Variants in PTK2 observed in about 807,000 individuals in gnomAD.
PTK2 encodes the protein focal adhesion kinase 1.
A neutral mutation model predicts 150.1 loss-of-function variants in PTK2; 45 were observed. That is an observed-to-expected ratio of 0.30 (90% confidence interval 0.24 to 0.38). PTK2 has a LOEUF of 0.38. PTK2 is among the 10% of genes least tolerant of loss of function. PTK2 has a pLI of 1.00. For missense variants in PTK2, 919 were observed against 1,307.3 expected, an observed-to-expected ratio of 0.70 and a Z score of 4.58; for synonymous variants, 432 against 449.2, an observed-to-expected ratio of 0.96 and a Z score of 0.48.
chr8:140,876,850 C>T (rs1292701109), intron 4 of PTK2, among the ~76,000 whole-genome samples: 1 of 151,992 alleles, frequency 6.6e-6, no homozygotes, highest in Admixed American at 6.6e-5. Flanking sequence ...TCCAAATTCT[C>T]TTGGTTATTT....
intron 15 of PTK2, 92 bp from the exon 19 acceptor site, chr8:140,761,354 A>C (rs2100069345): frequency 1.5e-5 from 15 of 1,018,094 alleles, no homozygotes; most frequent in Non-Finnish European, 2.2e-5. Context: ...CCATAAGTAA[A>C]ATTTCATCTG....
intron 30 of PTK2, among the ~76,000 whole-genome samples, chr8:140,667,886 C>G (rs1244923359): frequency 1.3e-5 from 2 of 152,142 alleles, no homozygotes; most frequent in Non-Finnish European, 2.9e-5. Flanking sequence ...AACAACGTAA[C>G]CACATCTCCC....
At chr8:140,739,759 G>A (rs1410633808) in intron 20 of PTK2, among the ~76,000 whole-genome samples, 1 of 152,176 alleles carries the variant, frequency 6.6e-6, no homozygotes, top group Non-Finnish European at 1.5e-5. Flanking sequence ...CAGAGCCTGA[G>A]CTGCTGGCTC....
chr8:140,950,823 G>A (rs2100179318), intron 1 of PTK2, among the ~76,000 whole-genome samples: 1 of 152,106 alleles, frequency 6.6e-6, no homozygotes. Context: ...GTATATGAGA[G>A]GACATACATA....
chr8:140,799,160 G>A (rs1237512862), intron 12 of PTK2: 1 of 152,182 alleles, frequency 6.6e-6, no homozygotes, highest in East Asian at 1.9e-4. Flanking sequence ...CCTCTTTTGA[G>A]ATACATAAAT....
chr8:140,719,887 C>CAAA (rs71308987), intron 22 of PTK2, among the ~76,000 whole-genome samples: 6 of 90,882 alleles, frequency 6.6e-5, no homozygotes, highest in South Asian at 3.7e-4. Flanking sequence ...CTTGTCTCAC[C>CAAA]AAAAAAAAAA....
intron 5 of PTK2, 49 bp from the exon 6 acceptor site, chr8:140,846,727 T>C: frequency 2.3e-6 from 3 of 1,317,148 alleles, no homozygotes; most frequent in Non-Finnish European, 3.2e-6. Context: ...AAGAAAAATA[T>C]TAGATATATG....
chr8:140,668,205 C>T, intron 30 of PTK2, 64 bp downstream of exon 34: 7 of 1,590,442 alleles, frequency 4.4e-6, no homozygotes, highest in Non-Finnish European at 6.0e-6. Context: ...CATCTATCAA[C>T]TGGCACCACA....
intron 8 of PTK2, among the ~76,000 whole-genome samples, chr8:140,826,834 C>T (rs543012989): frequency 6.6e-6 from 1 of 152,202 alleles, no homozygotes; most frequent in East Asian, 1.9e-4. Flanking sequence ...AGGAGAATTG[C>T]TTGAACCTGA....
chr8:140,740,893 A>G (rs1434376861), intron 20 of PTK2, among the ~76,000 whole-genome samples: 1 of 152,240 alleles, frequency 6.6e-6, no homozygotes, highest in Non-Finnish European at 1.5e-5. Flanking sequence ...CTGTAATCCC[A>G]GCACTTTGGG....
At chr8:140,916,884 C>T (rs2100165467) in intron 2 of PTK2, among the ~76,000 whole-genome samples, 1 of 152,176 alleles carries the variant, frequency 6.6e-6, no homozygotes, top group African/African-American at 2.4e-5. Context: ...CTCAGTACCT[C>T]AATTATCGCA....
chr8:140,727,655 G>C (rs1231728095), intron 22 of PTK2, among the ~76,000 whole-genome samples: 1 of 152,136 alleles, frequency 6.6e-6, no homozygotes, highest in Non-Finnish European at 1.5e-5. Context: ...AGTTCGTGTT[G>C]TGGGATAAGG....
At chr8:140,911,216 T>C (rs1038785694) in intron 2 of PTK2, among the ~76,000 whole-genome samples, 3 of 152,124 alleles carry the variant, frequency 2.0e-5, no homozygotes, top group African/African-American at 4.8e-5. Flanking sequence ...TAGGTTTTTG[T>C]CTGCCTTTTT....
chr8:140,970,897 A>G (rs1213975362), intron 1 of PTK2, among the ~76,000 whole-genome samples: 1 of 152,046 alleles, frequency 6.6e-6, no homozygotes, highest in African/African-American at 2.4e-5. Flanking sequence ...GTCAAAAAAA[A>G]AAACCAAAAA....
chr8:140,927,046 T>C (rs779771561), intron 1 of PTK2, among the ~76,000 whole-genome samples: 1 of 152,224 alleles, frequency 6.6e-6, no homozygotes, highest in Non-Finnish European at 1.5e-5. Flanking sequence ...ATCTGTAAGA[T>C]GCTGCATTAG....
chr8:140,984,613 G>A (rs1462753131), intron 1 of PTK2, among the ~76,000 whole-genome samples: 1 of 152,058 alleles, frequency 6.6e-6, no homozygotes, highest in Non-Finnish European at 1.5e-5. Context: ...ATCCTAGAAC[G>A]GTTAAAGGGA....
chr8:140,786,160 C>T (rs1364138591), intron 14 of PTK2, among the ~76,000 whole-genome samples: 2 of 152,146 alleles, frequency 1.3e-5, no homozygotes, highest in African/African-American at 2.4e-5. Flanking sequence ...AAACTGAGGT[C>T]TCTTCAATCC....
At chr8:140,992,084 G>T (rs2100195904) in intron 1 of PTK2, among the ~76,000 whole-genome samples, 1 of 152,118 alleles carries the variant, frequency 6.6e-6, no homozygotes, top group African/African-American at 2.4e-5. Flanking sequence ...CTGAGGTCAG[G>T]AGTTTGAGAC....
At chr8:140,722,265 G>A (rs192368922) in intron 22 of PTK2, among the ~76,000 whole-genome samples, 4 of 152,198 alleles carry the variant, frequency 2.6e-5, no homozygotes, top group Admixed American at 2.6e-4. Context: ...GATCCACTGT[G>A]CCTGGCCAAT....
Sources: gnomAD v4.1 joint callset for allele counts (sites outside exome capture counted in the v4.1 genomes callset) on GRCh38, gnomAD v4.1.1 for gene constraint, MANE v1.5 for transcripts, NCBI Gene and HGNC (gene_info 2026-07-23, HGNC 2026-07-21) for gene names.